Variants in FCHO2 observed in about 807,000 individuals in gnomAD.
FCHO2 encodes the protein F-BAR domain only protein 2.
FCHO2 carries 43 observed loss-of-function variants against 114.1 expected under a neutral mutation model. The observed-to-expected ratio is 0.38, with a 90% CI of 0.30 to 0.49. FCHO2 has a LOEUF of 0.49. Among genes scored for constraint, FCHO2 ranks in the 20% least tolerant of loss-of-function variants. The pLI is 0.97. For synonymous variants in FCHO2, 293 were observed against 315.2 expected, an observed-to-expected ratio of 0.93 and a Z score of 0.75; for missense variants, 807 against 950.4, an observed-to-expected ratio of 0.85 and a Z score of 1.98.
At chr5:73,088,033 A>G in intron 25 of FCHO2, 35 bp from the exon 26 acceptor site, 1 of 1,612,404 alleles carries the variant, frequency 6.2e-7, no homozygotes. Flanking sequence ...TGCATTTGAA[A>G]TTGTAATTGC....
chr5:73,008,239 A>G (rs1754820949), intron 6 of FCHO2, among the ~76,000 whole-genome samples: 1 of 152,190 alleles, frequency 6.6e-6, no homozygotes, highest in African/African-American at 2.4e-5. Context: ...TCTACATTTA[A>G]AGATAATTCT....
intron 12 of FCHO2, among the ~76,000 whole-genome samples, chr5:73,051,845 C>CGTAA (rs1443130058): frequency 1.3e-5 from 2 of 152,154 alleles, no homozygotes; most frequent in African/African-American, 4.8e-5. Flanking sequence ...GCTGGGATTA[C>CGTAA]AGGTGTGAGC....
Position 72,989,455 on chromosome 5 carries a change from T to G in FCHO2, c.154T>G (p.Ser52Ala), listed in dbSNP as rs772580984. 11 of 1,607,436 alleles carry G rather than the reference T, an allele frequency of 6.8e-6. No individual in the cohort carries two copies. The highest frequency in any genetic ancestry group is 9.3e-6 in the Non-Finnish European group (11 of 1,176,668). ...TACCATAGAGGAGGCATACTCCAGG[T>G]CAATGACAAAACTAGCAAAATCTGC... ...RATIEEAYSRSMTKLAKSASN... is the reference protein window; with the variant it reads ...RATIEEAYSRAMTKLAKSASN... Residue 52 changes from serine to alanine, a missense_variant, in exon 3 of 26, where the codon TCA becomes GCA. Transcript: ENST00000430046.
At chr5:73,082,519 T>A (rs1186794949) in intron 23 of FCHO2, among the ~76,000 whole-genome samples, 3 of 152,194 alleles carry the variant, frequency 2.0e-5, no homozygotes, top group African/African-American at 7.2e-5. Flanking sequence ...TCCATTTTAC[T>A]TTCTCTGACC....
intron 5 of FCHO2, chr5:72,996,829 C>G: frequency 1.2e-6 from 1 of 862,796 alleles, no homozygotes; most frequent in Non-Finnish European, 1.8e-6. Context: ...TGCCGTTCCC[C>G]CTCCCGGCAA....
intron 11 of FCHO2, among the ~76,000 whole-genome samples, chr5:73,049,758 A>G (rs971465994): frequency 2.4e-4 from 36 of 152,216 alleles, no homozygotes; most frequent in Admixed American, 2.4e-3. Flanking sequence ...TATAATATTT[A>G]GGCAACTTCT....
intron 5 of FCHO2, among the ~76,000 whole-genome samples, chr5:72,992,721 T>C (rs556249032): frequency 3.9e-5 from 6 of 152,296 alleles, no homozygotes; most frequent in Admixed American, 3.9e-4. Flanking sequence ...AATCATTTCA[T>C]GACTATTTTG....
intron 2 of FCHO2, among the ~76,000 whole-genome samples, chr5:72,969,753 C>G (rs1176130680): frequency 1.3e-5 from 2 of 152,206 alleles, no homozygotes; most frequent in African/African-American, 2.4e-5. Context: ...CGTCATACTT[C>G]CCCTTTACTA....
chr5:73,049,886 A>T (rs911552947), intron 11 of FCHO2, among the ~76,000 whole-genome samples: 10 of 152,162 alleles, frequency 6.6e-5, no homozygotes, highest in Admixed American at 2.6e-4. Context: ...ATACACATAG[A>T]TATATACATA....
intron 9 of FCHO2, among the ~76,000 whole-genome samples, chr5:73,036,558 T>C (rs1756522042): frequency 6.6e-6 from 1 of 151,826 alleles, no homozygotes; most frequent in Non-Finnish European, 1.5e-5. Flanking sequence ...TATTTTTTTG[T>C]AGAGACAGGG....
Position 73,034,777 on chromosome 5 carries a change from G to A in FCHO2, c.841+76G>A, listed in dbSNP as rs573976238. The A allele has an allele frequency of 3.9e-5, 47 of 1,216,360 alleles. 1 individual carries two copies. The South Asian group carries it at 7.6e-4, about 20-fold the overall frequency. 75.3% of individuals were successfully genotyped at this position (1,216,360 alleles called of 1,614,324 possible). A position where few individuals can be genotyped will look rare whatever the true frequency, so the allele number is the denominator to read the frequency against. The stretch of plus-strand genomic sequence containing the variant: ...CTTCTGTTCATTGAACAAATAAGGA[G>A]GGACTGCTATCCCTAGGTGTCAGCA... On this transcript the variant is annotated intron_variant, in intron 9 of 25. Coordinates refer to ENST00000430046, the MANE Select transcript of FCHO2 (RefSeq NM_138782.3).
intron 10 of FCHO2, chr5:73,037,802 G>C (rs920145964): frequency 3.0e-6 from 1 of 337,234 alleles, no homozygotes; most frequent in African/African-American, 2.3e-5. Flanking sequence ...TGTTGCCCAG[G>C]TTGGAATGCA....
At position 73,052,106 on chromosome 5, in the gene FCHO2, G is replaced by T. The variant is rs552930092; in HGVS notation, c.998-226G>T. Among the ~76,000 whole-genome samples, 286 of 151,880 alleles carry T rather than the reference G, an allele frequency of 1.9e-3. 3 individuals carry two copies. Among genetic ancestry groups the T allele is most frequent in the African/African-American group, 6.5e-3 (267 of 41,380 alleles). ...GCCGAGCTAATTTTTTGTATTTTTA[G>T]TAGAGACAAAGTTTCACCGTGTTAG... On this transcript the variant is annotated intron_variant, in intron 12 of 25. Coordinates refer to ENST00000430046, the MANE Select transcript of FCHO2 (RefSeq NM_138782.3).
intron 8 of FCHO2, among the ~76,000 whole-genome samples, chr5:73,030,333 T>C (rs1756171360): frequency 6.6e-6 from 1 of 152,212 alleles, no homozygotes; most frequent in Non-Finnish European, 1.5e-5. Flanking sequence ...TGAGCCACCA[T>C]GCCCAGCCAA....
chr5:72,998,625 C>T (rs1045519617), intron 5 of FCHO2, among the ~76,000 whole-genome samples: 1 of 151,308 alleles, frequency 6.6e-6, no homozygotes, highest in East Asian at 1.9e-4. Context: ...TAAAACTATC[C>T]AGAGGATTAA....
At chr5:72,956,593 T>C (rs1751558471) in intron 1 of FCHO2, among the ~76,000 whole-genome samples, 1 of 152,138 alleles carries the variant, frequency 6.6e-6, no homozygotes, top group South Asian at 2.1e-4. Context: ...GAGCGATCCC[T>C]TTTACCTCTG....
intron 2 of FCHO2, among the ~76,000 whole-genome samples, chr5:72,979,022 T>G (rs1309385764): frequency 6.6e-6 from 1 of 152,182 alleles, no homozygotes; most frequent in African/African-American, 2.4e-5. Flanking sequence ...TGTATTTTAT[T>G]GAGGATTTTC....
At chr5:73,083,191 C>T (rs1743182183) in intron 24 of FCHO2, among the ~76,000 whole-genome samples, 1 of 151,952 alleles carries the variant, frequency 6.6e-6, no homozygotes, top group Non-Finnish European at 1.5e-5. Flanking sequence ...GCCATGGGTG[C>T]ACCGTTCCTG....
intron 11 of FCHO2, among the ~76,000 whole-genome samples, chr5:73,043,401 CACACACAT>C (rs1756900095): frequency 7.4e-6 from 1 of 135,464 alleles, no homozygotes; most frequent in Admixed American, 7.0e-5. Context: ...AAACTTTACA[CACACACAT>C]ACACACACAC....
Sources: allele counts gnomAD v4.1 joint callset (sites outside exome capture counted in the v4.1 genomes callset), GRCh38; gene constraint gnomAD v4.1.1; transcripts MANE v1.5; gene names NCBI Gene and HGNC (gene_info 2026-07-23, HGNC 2026-07-21).